The following PAXIP1 variants were observed in gnomAD, a reference collection of about 807,000 sequenced individuals.
The protein encoded by PAXIP1 is PAX-interacting protein 1.
Under a neutral mutation model 140.6 loss-of-function variants are expected in PAXIP1, and 19 were observed. The ratio of observed to expected loss-of-function variants is 0.14; its 90% CI spans 0.09 to 0.20. The LOEUF is 0.20. PAXIP1 is among the 10% of genes least tolerant of loss of function. The probability of loss-of-function intolerance (pLI) is 1.00; values close to 1 mark genes in which losing one functional copy is unlikely to be tolerated. For synonymous variants in PAXIP1, 442 were observed against 444.6 expected, an observed-to-expected ratio of 0.99 and a Z score of 0.07; for missense variants, 920 against 1,208.6, an observed-to-expected ratio of 0.76 and a Z score of 3.54.
chr7:154,977,990 A>ACTTTTTAATGTACAT (rs1563379932), intron 5 of PAXIP1, among the ~76,000 whole-genome samples: 17 of 151,564 alleles, frequency 1.1e-4, no homozygotes, highest in African/African-American at 3.9e-4. Context: ...CGCAGACCAA[A>ACTTTTTAATGTACAT]TTAGAGACTA....
At chr7:154,961,396 C>A in intron 11 of PAXIP1, 131 bp downstream of exon 11, 1 of 711,434 alleles carries the variant, frequency 1.4e-6, no homozygotes, top group Non-Finnish European at 2.2e-6. Flanking sequence ...CATTGTCATA[C>A]TTTAACAGAC....
rs1585041440 is a variant in PAXIP1 at position 154,954,466 on chromosome 7, TC to T, written c.2653-44del. On this transcript the variant is annotated intron_variant, in intron 15 of 20. Transcript: ENST00000404141. This position sits in a 1 kb window ranked among gnomAD's most constrained non-coding sequence, Gnocchi z 5.1. ...AGGTCGGAAATGAAAAAGTTCAGCA[TC>T]CACAGAGCCACACTGACACAGAGTA... 7.3e-7 allele frequency: 1 copy of T among 1,372,182 alleles called. No homozygotes were observed. Among genetic ancestry groups the T allele is most frequent in the East Asian group, 2.6e-5 (1 of 38,040 alleles). The allele number at this position is 1,372,182 out of a possible 1,614,324, so 85.0% of individuals were successfully genotyped here. A position where few individuals can be genotyped will look rare whatever the true frequency, so the allele number is the denominator to read the frequency against.
intron 6 of PAXIP1, among the ~76,000 whole-genome samples, chr7:154,969,435 G>C (rs2150758420): frequency 6.6e-6 from 1 of 152,354 alleles, no homozygotes; most frequent in Admixed American, 6.5e-5. Context: ...AGCAGGGCAT[G>C]GGAGTCCTGT....
chr7:154,962,975 G>C lies in PAXIP1; in HGVS notation c.1990-517C>G, dbSNP rs1456018715. ...CTGTCTACAATAAGCATTATTTTTTGAAAAGAAATGAAACTTCAGAGAGCA... is the reference window on the plus strand; with the variant it reads ...CTGTCTACAATAAGCATTATTTTTTCAAAAGAAATGAAACTTCAGAGAGCA... On this transcript the variant is annotated intron_variant, in intron 9 of 20. Transcript: ENST00000404141. Among the ~76,000 whole-genome samples the C allele has an allele frequency of 2.0e-5, 3 of 152,186 alleles. No individual in the cohort carries two copies. In the East Asian group the frequency reaches 5.8e-4, roughly 29 times the overall value.
chr7:154,963,973 A>C lies in PAXIP1; in HGVS notation c.1894-207T>G. ...AATGAACTCCAATACTCTAAATTTA[A>C]TCTGAATTCCCAGGATACAAGAGAA... is the stretch of plus-strand genomic sequence containing the variant. On this transcript the variant is annotated intron_variant, in intron 8 of 20. Coordinates refer to ENST00000404141, the MANE Select transcript of PAXIP1 (RefSeq NM_007349.4). This position sits in a 1 kb window ranked among gnomAD's most constrained non-coding sequence, Gnocchi z 4.1. 2 of 534,468 alleles carry C rather than the reference A, an allele frequency of 3.7e-6. No individual in the cohort carries two copies. The highest frequency in any genetic ancestry group is 3.4e-6 in the Non-Finnish European group (1 of 295,448). 33.1% of individuals were successfully genotyped at this position (534,468 alleles called of 1,614,324 possible).
intron 1 of PAXIP1, 32 bp downstream of exon 1, chr7:155,002,817 G>T: frequency 7.8e-7 from 1 of 1,284,912 alleles, no homozygotes; most frequent in Non-Finnish European, 1.0e-6. Context: ...CGCGGACGGG[G>T]GAGGAGGCCG....
At chr7:154,974,420 A>G (rs921667460) in intron 6 of PAXIP1, 3 of 152,206 alleles carry the variant, frequency 2.0e-5, no homozygotes, top group African/African-American at 7.2e-5. Flanking sequence ...GCCCCTTTTA[A>G]ATCCTTCCTA....
At chr7:154,964,718 C>T (rs1185822115) in intron 8 of PAXIP1, 1 of 152,220 alleles carries the variant, frequency 6.6e-6, no homozygotes, top group Non-Finnish European at 1.5e-5. Context: ...ACACATTCTT[C>T]AAGCCTTCCT....
intron 6 of PAXIP1, 83 bp from the exon 7 acceptor site, chr7:154,969,209 AT>A (rs1809182541): frequency 7.3e-7 from 1 of 1,361,724 alleles, no homozygotes; most frequent in African/African-American, 1.5e-5. Context: ...AGAATGGCAT[AT>A]CCTATTTATT....
At chr7:154,960,016 T>C in intron 12 of PAXIP1, 83 bp from the exon 13 acceptor site, 2 of 849,642 alleles carry the variant, frequency 2.4e-6, no homozygotes, top group South Asian at 1.4e-5. Context: ...TCCCTGATAA[T>C]CCTCACCAGA....
At chr7:155,001,845 A>T (rs764345907) in intron 1 of PAXIP1, 2 of 152,252 alleles carry the variant, frequency 1.3e-5, no homozygotes, top group African/African-American at 2.4e-5. Flanking sequence ...AAGTTGTTAC[A>T]AGGACGAACC....
chr7:154,959,484 G>T (rs887229852), intron 13 of PAXIP1, among the ~76,000 whole-genome samples: 2 of 152,198 alleles, frequency 1.3e-5, no homozygotes, highest in African/African-American at 4.8e-5. Flanking sequence ...CACTCATCAT[G>T]CTTGACAGAT....
At chr7:154,955,793 T>C (rs1187788973) in intron 14 of PAXIP1, among the ~76,000 whole-genome samples, 162 bp from the exon 15 acceptor site, 1 of 152,244 alleles carries the variant, frequency 6.6e-6, no homozygotes, top group East Asian at 1.9e-4. Flanking sequence ...TTCCTTTCTT[T>C]CCACCATTTC....
intron 17 of PAXIP1, chr7:154,947,226 ATAT>A (rs2150736819): frequency 6.1e-6 from 1 of 163,780 alleles, no homozygotes; most frequent in South Asian, 1.6e-4. Context: ...TATTTTCTCC[ATAT>A]TATTTGAACT....
At chr7:154,977,581 GTTCT>G (rs2150768050) in intron 5 of PAXIP1, among the ~76,000 whole-genome samples, 1 of 152,312 alleles carries the variant, frequency 6.6e-6, no homozygotes, top group East Asian at 1.9e-4. Context: ...TTGTGAGTTT[GTTCT>G]TTCTCAAACC....
At chr7:154,983,818 T>C (rs1350396922) in intron 4 of PAXIP1, 1 of 153,932 alleles carries the variant, frequency 6.5e-6, no homozygotes. Flanking sequence ...AAAAATATGG[T>C]GGCTTGTAAG....
rs760786489 is a variant in PAXIP1 at position 154,976,154 on chromosome 7, G to C, written c.616C>G (p.Gln206Glu). 43 of 1,584,510 alleles carry C rather than the reference G, an allele frequency of 2.7e-5. No homozygotes were observed. The highest frequency in any genetic ancestry group is 3.6e-5 in the Non-Finnish European group (42 of 1,163,756). ...GTACTACCCTCATTCTGAGAATCTT[G>C]TTCCTCATTTTCTACTTCCTCCTCC... ...EEEEEVENEE[Q>E]DSQNEGSTDE... Residue 206 changes from glutamine (Q) to glutamate (E), a missense_variant, in exon 6 of 21, where the codon CAA (glutamine) becomes GAA (glutamate). Physicochemically the swap from Gln to Glu is conservative, Grantham distance 29. This residue lies in a region of PAXIP1 where 419 missense variants were observed against 514.7 expected (regional missense o/e 0.81). Coordinates refer to ENST00000404141, the MANE Select transcript of PAXIP1 (RefSeq NM_007349.4).
Position 154,975,864 on chromosome 7 carries a change from G to A in PAXIP1, c.906C>T (p.Asn302=), listed in dbSNP as rs1440120125. The change falls in exon 6 of 21, where the codon AAC becomes AAT. Residue 302 remains asparagine, a synonymous_variant. Transcript: ENST00000404141. ...TACCCCGGACCTCAGGGGGCAAAATGTTACCTGGGACGGGTGGGACATTGG... is the reference window on the plus strand; with the variant it reads ...TACCCCGGACCTCAGGGGGCAAAATATTACCTGGGACGGGTGGGACATTGG... ...LCANVPPVPG[N]ILPPEVRGNL... The A allele has an allele frequency of 1.9e-6, 3 of 1,613,992 alleles. No homozygotes were observed. The highest frequency in any genetic ancestry group is 2.5e-6 in the Non-Finnish European group (3 of 1,179,886).
chr7:154,957,966 T>C (rs1585044873), intron 13 of PAXIP1, among the ~76,000 whole-genome samples: 2 of 97,456 alleles, frequency 2.1e-5, no homozygotes, highest in Non-Finnish European at 1.9e-5. Context: ...AGAGCGAGAC[T>C]CCGTCTCAAA....
Sources: allele counts gnomAD v4.1 joint callset (sites outside exome capture counted in the v4.1 genomes callset), GRCh38; gene constraint gnomAD v4.1.1; regional missense constraint gnomAD v4.1.1; non-coding constraint Gnocchi (gnomAD v3.1); transcripts MANE v1.5; gene names NCBI Gene and HGNC (gene_info 2026-07-23, HGNC 2026-07-21).